The following ACSM2A variants were observed in gnomAD, a reference collection of about 807,000 sequenced individuals.
The protein encoded by ACSM2A is acyl-CoA synthetase medium chain family member 2A, also known as acyl-coenzyme A synthetase ACSM2A, mitochondrial.
In ACSM2A, 72 loss-of-function variants were observed where a neutral mutation model predicts 76.6. The ratio of observed to expected loss-of-function variants is 0.94; its 90% CI spans 0.78 to 1.14. The LOEUF (loss-of-function observed/expected upper bound fraction) is 1.14. Among genes scored for constraint, ACSM2A ranks in the 50% most tolerant of loss-of-function variants. The pLI is 0.00. For missense variants in ACSM2A, 684 were observed against 708.5 expected (o/e 0.97, Z 0.39); for synonymous variants, 249 against 255.9 (o/e 0.97, Z 0.26).
At chr16:20,468,791 A>G (rs1393754075) in intron 3 of ACSM2A, among the ~76,000 whole-genome samples, 2 of 152,246 alleles carry the variant, frequency 1.3e-5, no homozygotes, top group East Asian at 3.8e-4. Flanking sequence ...GAATAAGTCT[A>G]ATGTTTTAAG....
chr16:20,462,275 C>T (rs956202784), intron 2 of ACSM2A, among the ~76,000 whole-genome samples: 1 of 152,050 alleles, frequency 6.6e-6, no homozygotes. Context: ...AGAATTGAGA[C>T]CCCTACCATC....
In ACSM2A at chr16:20,486,761, T is replaced by C. The variant is rs568839616; in HGVS notation, c.*83T>C. 4 of 1,462,180 alleles carry C rather than the reference T, an allele frequency of 2.7e-6. No homozygotes were observed. The African/African-American group carries it at 4.2e-5, about 15-fold the overall frequency. The allele number at this position is 1,462,180 out of a possible 1,614,324, so 90.6% of individuals were successfully genotyped here. ...GGCCCTTGGCCTTCCTATGATTATA[T>C]GAGATTCTTTATGGAAGAACATGAA... is the stretch of plus-strand genomic sequence containing the variant. On this transcript the variant is annotated 3_prime_UTR_variant, in exon 14 of 14. Transcript: ENST00000573854.
chr16:20,455,394 G>A (rs200032032), intron 1 of ACSM2A, among the ~76,000 whole-genome samples: 555 of 143,898 alleles, frequency 3.9e-3, no homozygotes, highest in East Asian at 0.016. Flanking sequence ...GAGCTGTGAG[G>A]CAAAAGCACC....
chr16:20,461,230 G>T (rs1456507967), intron 2 of ACSM2A, among the ~76,000 whole-genome samples: 38 of 147,790 alleles, frequency 2.6e-4, no homozygotes, highest in African/African-American at 5.9e-4. Context: ...CTATGAAACA[G>T]TCTTAGTGTG....
intron 2 of ACSM2A, among the ~76,000 whole-genome samples, chr16:20,461,793 T>A (rs1275022279): frequency 6.6e-6 from 1 of 152,204 alleles, no homozygotes; most frequent in Non-Finnish European, 1.5e-5. Context: ...TACAAAAGGT[T>A]GTTTTTTTCT....
At position 20,480,871 on chromosome 16, in the gene ACSM2A, G is replaced by T. The variant is rs751630877; in HGVS notation, c.1459G>T (p.Ala487Ser). The T allele has an allele frequency of 7.4e-6, 12 of 1,613,860 alleles. No individual in the cohort carries two copies. The highest frequency in any genetic ancestry group is 1.6e-4 in the Middle Eastern group (1 of 6,078). The change falls in exon 12 of 14, where the codon GCT (alanine) becomes TCT (serine). Residue 487 changes from alanine to serine, a missense_variant. Around this residue, in one of 3 missense-constraint regions of ACSM2A, gnomAD observed 159 missense variants for 132.5 expected, o/e 1.20. Coordinates refer to ENST00000573854, the MANE Select transcript of ACSM2A (RefSeq NM_001308172.2). ...AGAGAATGCACTGATGGAGCACCCT[G>T]CTGTGGTTGAGACGGCTGTGATCAG... ...EVENALMEHPAVVETAVISSP... is the reference protein window; with the variant it reads ...EVENALMEHPSVVETAVISSP...
intron 1 of ACSM2A, among the ~76,000 whole-genome samples, chr16:20,454,437 C>T (rs1360494312): frequency 6.6e-6 from 1 of 151,938 alleles, no homozygotes; most frequent in East Asian, 2.0e-4. Context: ...TGGCAGCATT[C>T]CCTCCCTAAC....
At chr16:20,482,734 C>G (rs1400559296) in intron 12 of ACSM2A, 1 of 181,936 alleles carries the variant, frequency 5.5e-6, no homozygotes, top group Non-Finnish European at 1.2e-5. Context: ...GAAGTTAACA[C>G]ATTGTTTAGG....
chr16:20,457,932 A>G (rs1323972110), intron 1 of ACSM2A, among the ~76,000 whole-genome samples: 1 of 152,028 alleles, frequency 6.6e-6, no homozygotes, highest in Admixed American at 6.6e-5. Context: ...GACTCCTCCA[A>G]AGAACTCCTA....
intron 2 of ACSM2A, among the ~76,000 whole-genome samples, chr16:20,463,524 C>T (rs191328401): frequency 5.9e-5 from 9 of 152,086 alleles, no homozygotes; most frequent in East Asian, 1.9e-4. Flanking sequence ...CACTTCCCCA[C>T]GCTCTCTCTC....
chr16:20,472,476 C>T (rs544260964), intron 6 of ACSM2A, among the ~76,000 whole-genome samples: 10 of 152,262 alleles, frequency 6.6e-5, no homozygotes, highest in African/African-American at 2.2e-4. Context: ...CCCCTAAAAG[C>T]CCTGCCTCCA....
chr16:20,461,365 T>A (rs1596645698), intron 2 of ACSM2A, among the ~76,000 whole-genome samples: 1 of 152,174 alleles, frequency 6.6e-6, no homozygotes, highest in Non-Finnish European at 1.5e-5. Flanking sequence ...CTGGATTTTT[T>A]AAAGTTATAC....
intron 8 of ACSM2A, chr16:20,477,107 TA>T (rs2050004543): frequency 4.3e-6 from 2 of 468,242 alleles, no homozygotes; most frequent in African/African-American, 4.0e-5. Flanking sequence ...TGGTTCCCCC[TA>T]AAAGAGATTA....
chr16:20,454,377 T>G (rs1423023939), intron 1 of ACSM2A, among the ~76,000 whole-genome samples: 1 of 151,942 alleles, frequency 6.6e-6, no homozygotes, highest in African/African-American at 2.4e-5. Flanking sequence ...CTTTGTAAAC[T>G]CCAATGAACT....
In ACSM2A at chr16:20,458,935, T is replaced by C. The variant is rs183693740; in HGVS notation, c.-8-1172T>C. Among the ~76,000 whole-genome samples the C allele has an allele frequency of 5.7e-3, 552 of 96,430 alleles. 6 individuals carry two copies. The highest frequency in any genetic ancestry group is 0.023 in the African/African-American group (504 of 22,354). 63.3% of individuals were successfully genotyped at this position (96,430 alleles called of 152,430 possible). On this transcript the variant is annotated intron_variant, in intron 1 of 13. Transcript: ENST00000573854. ...ATATATATATATATATATATATACA[T>C]ATATATATATAATGAAATACTACTC...
rs2072080 is a variant in ACSM2A, at chr16:20,486,757, T to G, written c.*79T>G. On this transcript the variant is annotated 3_prime_UTR_variant, in exon 14 of 14. Coordinates refer to ENST00000573854, the MANE Select transcript of ACSM2A (RefSeq NM_001308172.2). ...TTTGGGCCCTTGGCCTTCCTATGAT[T>G]ATATGAGATTCTTTATGGAAGAACA... The G allele has an allele frequency of 0.81, 1,206,505 of 1,496,876 alleles. 488,843 individuals carry two copies. Among genetic ancestry groups the G allele is most frequent in the African/African-American group, 0.93 (67,163 of 71,860 alleles). The allele number at this position is 1,496,876 out of a possible 1,614,324, so 92.7% of individuals were successfully genotyped here.
intron 1 of ACSM2A, among the ~76,000 whole-genome samples, chr16:20,459,579 T>C (rs989522775): frequency 6.6e-6 from 1 of 152,196 alleles, no homozygotes; most frequent in Admixed American, 6.5e-5. Context: ...ATCTGGGTTA[T>C]GCAAGTCTCA....
intron 10 of ACSM2A, among the ~76,000 whole-genome samples, chr16:20,479,250 C>T (rs1367185482): frequency 6.6e-6 from 1 of 152,140 alleles, no homozygotes. Context: ...CAAGGGCATG[C>T]CTTCTGATCC....
chr16:20,471,128 A>G lies in ACSM2A; in HGVS notation c.652A>G (p.Ile218Val), dbSNP rs752119495. The change falls in exon 5 of 14, where the codon ATC (isoleucine) becomes GTC (valine). Residue 218 changes from isoleucine (I) to valine (V), a missense_variant. Ile to Val is a conservative substitution (Grantham distance 29). This residue lies in a region of ACSM2A where 519 missense variants were observed against 549.5 expected (regional missense o/e 0.94). Coordinates refer to ENST00000573854, the MANE Select transcript of ACSM2A (RefSeq NM_001308172.2). ...GACTGGAAGCCAGGAAGCATCTGCCATCTACTTCACTAGTGGGACCAGTGG... is the reference window on the plus strand; with the variant it reads ...GACTGGAAGCCAGGAAGCATCTGCCGTCTACTTCACTAGTGGGACCAGTGG... ...VETGSQEASAIYFTSGTSGLP... is the reference protein window; with the variant it reads ...VETGSQEASAVYFTSGTSGLP... 3.7e-6 allele frequency: 6 copies of G among 1,613,772 alleles called. No homozygotes were observed. The highest frequency in any genetic ancestry group is 2.2e-5 in the South Asian group (2 of 91,060).
Sources: allele counts gnomAD v4.1 joint callset (sites outside exome capture counted in the v4.1 genomes callset), GRCh38; gene constraint gnomAD v4.1.1; regional missense constraint gnomAD v4.1.1; transcripts MANE v1.5; gene names NCBI Gene and HGNC (gene_info 2026-07-23, HGNC 2026-07-21).